IL17B: variants seen among roughly 807,000 people sequenced by gnomAD.
IL17B encodes interleukin 17B.
IL17B carries 14 observed loss-of-function variants against 14.7 expected under a neutral mutation model. The ratio of observed to expected loss-of-function variants is 0.95; its 90% CI spans 0.63 to 1.49. IL17B has a LOEUF of 1.49. Among genes scored for constraint, IL17B ranks in the 40% most tolerant of loss-of-function variants. The probability of loss-of-function intolerance (pLI) is 0.00; values close to 1 mark genes in which losing one functional copy is unlikely to be tolerated. For synonymous variants in IL17B, 105 were observed against 94.8 expected, an observed-to-expected ratio of 1.11 and a Z score of -0.62; for missense variants, 233 against 252.8, an observed-to-expected ratio of 0.92 and a Z score of 0.53.
chr5:149,396,898 T>G (rs1291187900), intron 1 of IL17B, among the ~76,000 whole-genome samples: 1 of 152,234 alleles, frequency 6.6e-6, no homozygotes, highest in Non-Finnish European at 1.5e-5. Flanking sequence ...TCTCATTCTC[T>G]GACGAAGGGC....
chr5:149,379,345 G>A (rs1758626948), upstream of IL17B: 1 of 1,184,650 alleles, frequency 8.4e-7, no homozygotes, highest in South Asian at 1.3e-5. Context: ...GGCTGCTGGG[G>A]GAGTGAGTGG....
At chr5:149,391,677 A>G (rs147434100) in intron 1 of IL17B, among the ~76,000 whole-genome samples, 1 of 152,228 alleles carries the variant, frequency 6.6e-6, no homozygotes, top group African/African-American at 2.4e-5. Context: ...ATTCCTGGGA[A>G]TGCAATTCTG....
In IL17B at chr5:149,376,677, T is replaced by G. The variant is rs1401425468; in HGVS notation, c.311+59A>C. 84 of 1,538,026 alleles carry G rather than the reference T, an allele frequency of 5.5e-5. No homozygotes were observed. The East Asian group carries it at 1.9e-3, about 35-fold the overall frequency. On this transcript the variant is annotated intron_variant, in intron 2 of 2. Transcript: ENST00000261796. ...CTGAGATCTTAACCATTACAATGACTGGGGCACAGGAAAGGTCCCCACCCC... is the reference window on the plus strand; with the variant it reads ...CTGAGATCTTAACCATTACAATGACGGGGGCACAGGAAAGGTCCCCACCCC...
intron 1 of IL17B, among the ~76,000 whole-genome samples, chr5:149,390,587 G>GCACACACACA (rs56268721): frequency 2.1e-3 from 242 of 114,934 alleles, no homozygotes; most frequent in African/African-American, 7.8e-3. Flanking sequence ...CCCTGAGTTA[G>GCACACACACA]CACACACACA....
chr5:149,382,022 A>C (rs920497144), upstream of IL17B, among the ~76,000 whole-genome samples: 7 of 152,310 alleles, frequency 4.6e-5, no homozygotes, highest in South Asian at 2.1e-4. Context: ...AGCCCTCTGC[A>C]GCAGGCCCCG....
intron 1 of IL17B, among the ~76,000 whole-genome samples, chr5:149,396,003 A>T (rs353265): frequency 6.6e-6 from 1 of 152,076 alleles, no homozygotes; most frequent in Non-Finnish European, 1.5e-5. Context: ...CACCTGGCCC[A>T]TATTTTTAAA....
intron 1 of IL17B, among the ~76,000 whole-genome samples, chr5:149,391,230 T>C (rs353257): frequency 0.12 from 17,992 of 152,256 alleles, 1,437 homozygotes; most frequent in East Asian, 0.17. Context: ...CCTCCCAAAC[T>C]GCTGGGATTA....
At chr5:149,395,357 A>ATTCCAAATTTG in intron 1 of IL17B, among the ~76,000 whole-genome samples, 1 of 152,280 alleles carries the variant, frequency 6.6e-6, no homozygotes, top group Admixed American at 6.5e-5. Flanking sequence ...TCTTTATGGT[A>ATTCCAAATTTG]GAACTATTTA....
chr5:149,382,173 G>A (rs9687436), upstream of IL17B, among the ~76,000 whole-genome samples: 4,927 of 152,294 alleles, frequency 0.032, 227 homozygotes, highest in African/African-American at 0.097. Context: ...GAGGGGATGG[G>A]GCGAGTGGGT....
At chr5:149,385,698 A>G (rs1026356363) in intron 1 of IL17B, among the ~76,000 whole-genome samples, 2 of 152,212 alleles carry the variant, frequency 1.3e-5, no homozygotes, top group East Asian at 3.9e-4. Flanking sequence ...CTCAGAGTTT[A>G]CAGGACGTCT....
At chr5:149,381,373 C>A (rs1758691761), upstream of IL17B, among the ~76,000 whole-genome samples, 1 of 152,230 alleles carries the variant, frequency 6.6e-6, no homozygotes, top group African/African-American at 2.4e-5. Context: ...CACGGGTCCT[C>A]ACCCATCATC....
At chr5:149,380,830 C>T (rs1011344663), upstream of IL17B, among the ~76,000 whole-genome samples, 1 of 152,240 alleles carries the variant, frequency 6.6e-6, no homozygotes, top group Non-Finnish European at 1.5e-5. Context: ...GGGCAGGCTT[C>T]CACAGCATAA....
intron 1 of IL17B, among the ~76,000 whole-genome samples, chr5:149,391,789 C>T (rs986157887): frequency 1.3e-5 from 2 of 152,180 alleles, no homozygotes; most frequent in Non-Finnish European, 2.9e-5. Context: ...AGGAGGGTGA[C>T]TGACTGGTGT....
chr5:149,375,772 G>A (rs974601676), intron 2 of IL17B, among the ~76,000 whole-genome samples: 1 of 152,162 alleles, frequency 6.6e-6, no homozygotes, highest in Non-Finnish European at 1.5e-5. Context: ...CCCAGCTACT[G>A]GGAGGCTGAG....
In IL17B at chr5:149,376,774, C is replaced by G; in HGVS notation, c.273G>C (p.Trp91Cys). The G allele has an allele frequency of 6.2e-7, 1 of 1,613,170 alleles. No individual in the cohort carries two copies. Among genetic ancestry groups the G allele is most frequent in the Non-Finnish European group, 8.5e-7 (1 of 1,179,492 alleles). ...GAGACAGGCTCCTCTTGTTGGACAT[C>G]CACAGCTGCAAGTTGACCTCACACT... ...QRKCEVNLQL[W>C]MSNKRSLSPW... is the part of the protein sequence containing the mutation. Residue 91 changes from tryptophan (W) to cysteine (C), a missense_variant, in exon 2 of 3, where the codon TGG (tryptophan) becomes TGC (cysteine). Transcript: ENST00000261796.
At chr5:149,378,003 G>C (rs995929777) in intron 1 of IL17B, among the ~76,000 whole-genome samples, 1 of 152,104 alleles carries the variant, frequency 6.6e-6, no homozygotes, top group Non-Finnish European at 1.5e-5. Context: ...AATTAGCCGG[G>C]TGTGGTGGCG....
upstream of IL17B, among the ~76,000 whole-genome samples, chr5:149,383,664 A>G (rs1030750012): frequency 1.3e-5 from 2 of 152,176 alleles, no homozygotes; most frequent in Non-Finnish European, 2.9e-5. Flanking sequence ...AGATCCCTGG[A>G]CGGGAACATT....
intron 1 of IL17B, among the ~76,000 whole-genome samples, chr5:149,391,760 A>G (rs1013286835): frequency 2.6e-5 from 4 of 152,180 alleles, no homozygotes; most frequent in African/African-American, 9.7e-5. Context: ...GAGGACGGCG[A>G]CTGGCCGGTG....
chr5:149,380,662 G>A (rs530408331), upstream of IL17B, among the ~76,000 whole-genome samples: 2 of 152,326 alleles, frequency 1.3e-5, no homozygotes, highest in East Asian at 3.9e-4. Flanking sequence ...AGGAATGGCG[G>A]GAGGGAATGT....
Sources: gnomAD v4.1 joint callset for allele counts (sites outside exome capture counted in the v4.1 genomes callset) on GRCh38, gnomAD v4.1.1 for gene constraint, MANE v1.5 for transcripts, NCBI Gene and HGNC (gene_info 2026-07-23, HGNC 2026-07-21) for gene names.